SORCS2: variants seen among roughly 807,000 people sequenced by gnomAD.
SORCS2 encodes VPS10 domain-containing receptor SorCS2.
A neutral mutation model predicts 141.6 loss-of-function variants in SORCS2; 100 were observed. The observed-to-expected ratio is 0.71, with a 90% CI of 0.60 to 0.83. SORCS2 has a LOEUF of 0.83. Among genes scored for constraint, SORCS2 ranks in the 40% least tolerant of loss-of-function variants. The pLI is 0.00. For synonymous variants in SORCS2, 789 were observed against 676.9 expected (o/e 1.17, Z -2.57); for missense variants, 1,646 against 1,560.2 (o/e 1.05, Z -0.93).
At chr4:7,438,932 G>T (rs565000780) in intron 2 of SORCS2, among the ~76,000 whole-genome samples, 8 of 152,222 alleles carry the variant, frequency 5.3e-5, no homozygotes, top group Admixed American at 1.3e-4. Context: ...ATCTGTGGGA[G>T]TCCCCTCAGG....
chr4:7,658,923 G>T (rs1281794688), intron 5 of SORCS2, among the ~76,000 whole-genome samples: 1 of 152,210 alleles, frequency 6.6e-6, no homozygotes, highest in Non-Finnish European at 1.5e-5. Context: ...GGGTGCTCCT[G>T]CCCCCAACGC....
intron 1 of SORCS2, among the ~76,000 whole-genome samples, chr4:7,303,844 G>A (rs1002981332): frequency 6.6e-6 from 1 of 152,268 alleles, no homozygotes; most frequent in East Asian, 1.9e-4. Flanking sequence ...GTCCAGGCAG[G>A]AGAGAGCGAT....
At chr4:7,305,307 A>C (rs1334749036) in intron 1 of SORCS2, among the ~76,000 whole-genome samples, 1 of 151,450 alleles carries the variant, frequency 6.6e-6, no homozygotes, top group Middle Eastern at 3.2e-3. Flanking sequence ...CTGGGATCAC[A>C]GGCGTGAGCC....
intron 2 of SORCS2, among the ~76,000 whole-genome samples, chr4:7,488,967 G>A (rs752654572): frequency 3.4e-4 from 52 of 152,204 alleles, no homozygotes; most frequent in Non-Finnish European, 7.1e-4. Context: ...CTACATTTAC[G>A]TATTCGTGCT....
At chr4:7,738,905 C>T (rs1486278484) in intron 26 of SORCS2, among the ~76,000 whole-genome samples, 2 of 152,140 alleles carry the variant, frequency 1.3e-5, no homozygotes, top group Non-Finnish European at 2.9e-5. Context: ...GGCCTGTCTG[C>T]CCCACCCCCG....
chr4:7,567,620 G>A (rs1441471859), intron 3 of SORCS2, among the ~76,000 whole-genome samples: 2 of 152,152 alleles, frequency 1.3e-5, no homozygotes, highest in African/African-American at 4.8e-5. Context: ...CTGGCTGAGG[G>A]ATGTTTGCCA....
intron 2 of SORCS2, among the ~76,000 whole-genome samples, chr4:7,483,485 G>A (rs1441687263): frequency 6.6e-6 from 1 of 152,118 alleles, no homozygotes; most frequent in East Asian, 1.9e-4. Flanking sequence ...GCCTTTGGGA[G>A]GCACGTGGTA....
At chr4:7,732,434 C>A (rs1711774260) in intron 23 of SORCS2, among the ~76,000 whole-genome samples, 1 of 152,190 alleles carries the variant, frequency 6.6e-6, no homozygotes. Context: ...CCGGGCACCT[C>A]ACGCATTTGT....
At chr4:7,586,651 G>A (rs575393563) in intron 3 of SORCS2, among the ~76,000 whole-genome samples, 3 of 152,202 alleles carry the variant, frequency 2.0e-5, no homozygotes, top group African/African-American at 4.8e-5. Context: ...CCCGGCAAAG[G>A]ACATGAACTC....
At chr4:7,620,901 G>A (rs886436628) in intron 3 of SORCS2, among the ~76,000 whole-genome samples, 4 of 152,176 alleles carry the variant, frequency 2.6e-5, no homozygotes, top group Non-Finnish European at 4.4e-5. Context: ...TCGGCCACGA[G>A]GTCAGCCCTG....
intron 10 of SORCS2, 136 bp downstream of exon 10, chr4:7,683,025 G>T (rs1475167280): frequency 2.6e-6 from 3 of 1,141,244 alleles, no homozygotes; most frequent in Non-Finnish European, 3.6e-6. Flanking sequence ...TCTGCTGGGT[G>T]TGGTAGAGAG....
At chr4:7,601,579 A>G (rs1002135523) in intron 3 of SORCS2, among the ~76,000 whole-genome samples, 2 of 138,878 alleles carry the variant, frequency 1.4e-5, no homozygotes, top group African/African-American at 2.7e-5. Context: ...AGATCACACC[A>G]CTGCACTCTA....
chr4:7,502,482 A>G (rs1442156970), intron 2 of SORCS2, among the ~76,000 whole-genome samples: 1 of 152,224 alleles, frequency 6.6e-6, no homozygotes, highest in East Asian at 1.9e-4. Context: ...GGGTCTGGTC[A>G]GAGCGGCTAC....
chr4:7,676,799 T>TTC (rs145811983), intron 9 of SORCS2, among the ~76,000 whole-genome samples: 2 of 32,256 alleles, frequency 6.2e-5, no homozygotes, highest in East Asian at 8.7e-4. Flanking sequence ...AAGTCTGCCT[T>TTC]TCTGTCTCTC....
chr4:7,469,548 A>C (rs965265887), intron 2 of SORCS2, among the ~76,000 whole-genome samples: 7 of 152,144 alleles, frequency 4.6e-5, no homozygotes, highest in Non-Finnish European at 5.9e-5. Flanking sequence ...CCTGCTCTCA[A>C]AATGCCTGCC....
intron 15 of SORCS2, 118 bp downstream of exon 15, chr4:7,712,971 G>T: frequency 9.1e-6 from 13 of 1,422,180 alleles, no homozygotes; most frequent in Non-Finnish European, 1.2e-5. Flanking sequence ...CCTCCAAGAA[G>T]TCTTCAGGGA....
intron 3 of SORCS2, among the ~76,000 whole-genome samples, chr4:7,593,932 A>G (rs145882871): frequency 1.3e-5 from 2 of 152,320 alleles, no homozygotes; most frequent in Admixed American, 1.3e-4. Context: ...TTGTTATGGG[A>G]AATGAAGACC....
At chr4:7,374,110 T>C (rs1395765574) in intron 1 of SORCS2, among the ~76,000 whole-genome samples, 1 of 35,998 alleles carries the variant, frequency 2.8e-5, no homozygotes, top group Non-Finnish European at 5.3e-5. Flanking sequence ...GGATTGAGAT[T>C]CTTTCTTTCT....
intron 1 of SORCS2, among the ~76,000 whole-genome samples, chr4:7,389,753 A>G (rs1231822773): frequency 4.6e-5 from 7 of 152,148 alleles, no homozygotes; most frequent in Admixed American, 3.9e-4. Context: ...CGATCCAAGT[A>G]TGCAAATGCC....
Sources: gnomAD v4.1 joint callset for allele counts (sites outside exome capture counted in the v4.1 genomes callset) on GRCh38, gnomAD v4.1.1 for gene constraint, MANE v1.5 for transcripts, NCBI Gene and HGNC (gene_info 2026-07-23, HGNC 2026-07-21) for gene names.